RAP1GDS1: variants seen among roughly 807,000 people sequenced by gnomAD.
The protein encoded by RAP1GDS1 is Rap1 GTPase-GDP dissociation stimulator 1.
Under a neutral mutation model 71.1 loss-of-function variants are expected in RAP1GDS1, and 35 were observed. That is an observed-to-expected ratio of 0.49 (90% CI 0.38 to 0.65). The LOEUF (loss-of-function observed/expected upper bound fraction) is 0.65, where lower values mean the gene tolerates loss of function less well. RAP1GDS1 is among the 30% of genes least tolerant of loss of function. RAP1GDS1 has a pLI of 0.00. For synonymous variants in RAP1GDS1, 229 were observed against 243.1 expected (o/e 0.94, Z 0.54); for missense variants, 663 against 706.1 (o/e 0.94, Z 0.69).
intron 12 of RAP1GDS1, among the ~76,000 whole-genome samples, chr4:98,429,749 G>A (rs183708994): frequency 9.9e-5 from 15 of 152,102 alleles, no homozygotes; most frequent in Admixed American, 7.9e-4. Context: ...GGTTGGACAC[G>A]CTTGGTTTAG....
intron 13 of RAP1GDS1, among the ~76,000 whole-genome samples, chr4:98,435,212 G>A (rs1578880067): frequency 6.6e-6 from 1 of 152,072 alleles, no homozygotes; most frequent in Non-Finnish European, 1.5e-5. Flanking sequence ...TCTCACACTG[G>A]GGCGAATGGA....
chr4:98,391,956 G>A lies in RAP1GDS1; in HGVS notation c.513G>A (p.Ser171=), dbSNP rs1330670522. 1.8e-5 allele frequency: 28 copies of A among 1,577,248 alleles called. No individual in the cohort carries two copies. Among genetic ancestry groups the A allele is most frequent in the South Asian group, 6.1e-5 (5 of 82,494 alleles). ...MLMNYSNEND[S]LQAQLINMGV... ...GTTTTTTTTTTGTTTTTACAGATTC[G>A]CTTCAAGCTCAGCTTATCAATATGG... Residue 171 remains serine (S), a synonymous_variant, in exon 6 of 15, where the codon TCG becomes TCA. Coordinates refer to ENST00000408927, the MANE Select transcript of RAP1GDS1 (RefSeq NM_001100427.2).
chr4:98,330,852 G>A (rs553508981), intron 2 of RAP1GDS1, among the ~76,000 whole-genome samples: 16 of 151,950 alleles, frequency 1.1e-4, no homozygotes, highest in Middle Eastern at 3.4e-3. Flanking sequence ...CATCCCAGAC[G>A]ATGGGCGGCC....
intron 4 of RAP1GDS1, among the ~76,000 whole-genome samples, chr4:98,369,138 A>G (rs1739976105): frequency 6.6e-6 from 1 of 152,168 alleles, no homozygotes; most frequent in African/African-American, 2.4e-5. Flanking sequence ...TCACTGTCAC[A>G]AGAACAGCAT....
chr4:98,427,451 TA>T (rs1168195189), intron 12 of RAP1GDS1, among the ~76,000 whole-genome samples: 9 of 152,110 alleles, frequency 5.9e-5, no homozygotes, highest in African/African-American at 2.2e-4. Context: ...GATATGACTG[TA>T]TACCTAGAAA....
chr4:98,418,829 A>G lies in RAP1GDS1; in HGVS notation c.1174+38A>G, dbSNP rs755450276. 2.7e-6 allele frequency: 4 copies of G among 1,505,256 alleles called. No individual in the cohort carries two copies. The African/African-American group carries it at 5.7e-5, about 21-fold the overall frequency. 93.2% of individuals were successfully genotyped at this position (1,505,256 alleles called of 1,614,324 possible). ...AATAGAAGGCAGCTGTGTACAAAAT[A>G]AAATCCATCATTTGGGGAAGCTATT... On this transcript the variant is annotated intron_variant, in intron 10 of 14. Coordinates refer to ENST00000408927, the MANE Select transcript of RAP1GDS1 (RefSeq NM_001100427.2).
intron 3 of RAP1GDS1, among the ~76,000 whole-genome samples, chr4:98,348,963 T>G (rs1736732134): frequency 6.6e-6 from 1 of 151,420 alleles, no homozygotes; most frequent in Non-Finnish European, 1.5e-5. Flanking sequence ...CAGAAGCTCT[T>G]TAGTTTAATT....
Position 98,416,842 on chromosome 4 carries a change from T to A in RAP1GDS1, c.861T>A (p.Thr287=). The A allele has an allele frequency of 1.2e-6, 2 of 1,614,108 alleles. No homozygotes were observed. The highest frequency in any genetic ancestry group is 1.7e-6 in the Non-Finnish European group (2 of 1,179,966). Residue 287 remains threonine, a synonymous_variant, in exon 8 of 15, where the codon ACT becomes ACA. Transcript: ENST00000408927. The part of the protein sequence containing the change: ...KVDSDKEDDI[T]ELKTGSDLMV... ...ATAGTGACAAAGAAGATGATATTAC[T>A]GAGCTCAAAACTGGTTCAGATCTCA...
intron 5 of RAP1GDS1, 22 bp downstream of exon 5, chr4:98,379,185 C>T: frequency 6.5e-7 from 1 of 1,541,144 alleles, no homozygotes; most frequent in Non-Finnish European, 8.7e-7. Context: ...TGAAAACTTG[C>T]TTTATCTCTG....
chr4:98,301,475 A>G (rs986204305), intron 2 of RAP1GDS1, among the ~76,000 whole-genome samples: 1 of 152,188 alleles, frequency 6.6e-6, no homozygotes, highest in Non-Finnish European at 1.5e-5. Context: ...CAGATCCACA[A>G]AGAGATAAAA....
chr4:98,278,417 T>G (rs1318881816), intron 1 of RAP1GDS1, among the ~76,000 whole-genome samples: 2 of 152,230 alleles, frequency 1.3e-5, no homozygotes, highest in East Asian at 3.8e-4. Context: ...TAAAGTTGAA[T>G]TTATATTACT....
chr4:98,373,924 G>A (rs1740779207), intron 4 of RAP1GDS1, among the ~76,000 whole-genome samples: 1 of 152,334 alleles, frequency 6.6e-6, no homozygotes, highest in Non-Finnish European at 1.5e-5. Flanking sequence ...GGCAGGTAGT[G>A]TATCTAGCAT....
intron 3 of RAP1GDS1, among the ~76,000 whole-genome samples, chr4:98,346,092 A>G (rs976053792): frequency 2.6e-5 from 4 of 152,194 alleles, no homozygotes; most frequent in Admixed American, 6.5e-5. Context: ...AGTGGGCCCA[A>G]CCATCTGTTT....
At chr4:98,410,023 G>A (rs1034253454) in intron 7 of RAP1GDS1, among the ~76,000 whole-genome samples, 8 of 152,082 alleles carry the variant, frequency 5.3e-5, no homozygotes, top group Non-Finnish European at 1.2e-4. Context: ...CAATCCTAAT[G>A]GCTTTGGGAG....
chr4:98,289,903 A>AT lies in RAP1GDS1; in HGVS notation c.5-3494dup, dbSNP rs552641541. On this transcript the variant is annotated intron_variant, in intron 1 of 14. Coordinates refer to ENST00000408927, the MANE Select transcript of RAP1GDS1 (RefSeq NM_001100427.2). Reference sequence around the variant, plus strand: ...TTGAAAACCACATTAGCACAGAAATATTTTTTTTTTTGGATTTGATGTGGA... The same window carrying AT: ...TTGAAAACCACATTAGCACAGAAATATTTTTTTTTTTTGGATTTGATGTGGA... Among the ~76,000 whole-genome samples the AT allele has an allele frequency of 3.7e-4, 55 of 148,304 alleles. 2 individuals carry two copies. The highest frequency in any genetic ancestry group is 1.1e-3 in the Admixed American group (16 of 14,820).
rs964487767 is a variant in RAP1GDS1, at chr4:98,374,042, A to AT, written c.362-4967dup. Reference sequence around the variant, plus strand: ...AAACTTTATTTTTTTTATTTCTGGAATTTTTTTTATTATTTTCATGCTACC... The same window carrying AT: ...AAACTTTATTTTTTTTATTTCTGGAATTTTTTTTTATTATTTTCATGCTACC... On this transcript the variant is annotated intron_variant, in intron 4 of 14. Coordinates refer to ENST00000408927, the MANE Select transcript of RAP1GDS1 (RefSeq NM_001100427.2). 2.1e-4 allele frequency among the ~76,000 whole-genome samples: 32 copies of AT among 152,140 alleles called. No homozygotes were observed. In the East Asian group the frequency reaches 3.1e-3, roughly 15 times the overall value.
chr4:98,382,416 T>C (rs1298407028), intron 5 of RAP1GDS1, among the ~76,000 whole-genome samples: 1 of 151,570 alleles, frequency 6.6e-6, no homozygotes, highest in East Asian at 1.9e-4. Context: ...CTCATGAAAA[T>C]AGCCTGAATA....
intron 14 of RAP1GDS1, 113 bp from the exon 15 acceptor site, chr4:98,441,877 A>T: frequency 8.4e-7 from 1 of 1,185,994 alleles, no homozygotes; most frequent in South Asian, 2.0e-5. Flanking sequence ...TTTTTCCAGA[A>T]TTGTTTCTAG....
At chr4:98,343,403 G>A in intron 3 of RAP1GDS1, 142 bp downstream of exon 3, 1 of 1,081,926 alleles carries the variant, frequency 9.2e-7, no homozygotes, top group Non-Finnish European at 1.3e-6. Flanking sequence ...GACTCTTCAT[G>A]TAATTGTTTT....
Sources: gnomAD v4.1 joint callset for allele counts (sites outside exome capture counted in the v4.1 genomes callset) on GRCh38, gnomAD v4.1.1 for gene constraint, MANE v1.5 for transcripts, NCBI Gene and HGNC (gene_info 2026-07-23, HGNC 2026-07-21) for gene names.